Variants in QTGAL observed in about 807,000 individuals in gnomAD.
QTGAL encodes BGnT-like protein 1.
the QTGAL span, among the ~76,000 whole-genome samples, chr17:82,962,135 T>C: frequency 5.3e-4 from 81 of 152,116 alleles, no homozygotes; most frequent in African/African-American, 1.8e-3. Context: ...CAGCCTCTTC[T>C]CTCCTTGGCT....
At chr17:83,005,164 C>A in the QTGAL span, 2 of 1,610,724 alleles carry the variant, frequency 1.2e-6, no homozygotes, top group Non-Finnish European at 8.5e-7. The surrounding 1 kb of genome is among the most constrained non-coding windows in gnomAD (Gnocchi z 5.6). Flanking sequence ...ACGTGTGTAT[C>A]GTTCGGTGGA....
chr17:82,970,713 C>A, the QTGAL span, among the ~76,000 whole-genome samples: 2 of 152,184 alleles, frequency 1.3e-5, no homozygotes, highest in African/African-American at 4.8e-5. Flanking sequence ...TGGCTGTGCC[C>A]TGGTCACGTG....
the QTGAL span, among the ~76,000 whole-genome samples, chr17:82,972,757 G>C: frequency 0.19 from 20,579 of 109,372 alleles, 1,340 homozygotes; most frequent in East Asian, 0.27. Flanking sequence ...GAAGGACCCA[G>C]TACTGACCAC....
chr17:82,987,288 AAAT>A, the QTGAL span, among the ~76,000 whole-genome samples: 2 of 151,896 alleles, frequency 1.3e-5, no homozygotes, highest in East Asian at 3.8e-4. Context: ...AGGAAAAAAT[AAAT>A]AATGATTTGA....
chr17:82,952,696 C>T, the QTGAL span, among the ~76,000 whole-genome samples: 5 of 152,154 alleles, frequency 3.3e-5, no homozygotes, highest in Admixed American at 6.5e-5. Context: ...CTGGACCAAG[C>T]GGACCTAATA....
the QTGAL span, among the ~76,000 whole-genome samples, chr17:82,974,030 G>A: frequency 6.6e-6 from 1 of 152,180 alleles, no homozygotes; most frequent in East Asian, 1.9e-4. Context: ...AGAGGGTGTC[G>A]TGGACCAGCA....
the QTGAL span, among the ~76,000 whole-genome samples, chr17:82,959,739 G>GA: frequency 6.6e-6 from 1 of 151,996 alleles, no homozygotes; most frequent in African/African-American, 2.4e-5. Context: ...GAGGTTTGGG[G>GA]GGCCTCTGAC....
At chr17:82,971,017 G>A in the QTGAL span, among the ~76,000 whole-genome samples, 27 of 152,172 alleles carry the variant, frequency 1.8e-4, no homozygotes, top group Non-Finnish European at 3.5e-4. Flanking sequence ...TCGGCGTCGT[G>A]GGGCGCAGTG....
chr17:82,942,535 A>G, the QTGAL span: 2 of 1,605,500 alleles, frequency 1.2e-6, no homozygotes, highest in Admixed American at 1.7e-5. Context: ...GCCGGTGTGG[A>G]AAGCCTCGCA....
the QTGAL span, among the ~76,000 whole-genome samples, chr17:83,020,330 G>C: frequency 6.6e-6 from 1 of 152,128 alleles, no homozygotes; most frequent in African/African-American, 2.4e-5. Context: ...AAGGATGCCT[G>C]CACACACAAT....
chr17:82,968,656 C>T, the QTGAL span, among the ~76,000 whole-genome samples: 4 of 152,204 alleles, frequency 2.6e-5, no homozygotes, highest in East Asian at 1.9e-4. Context: ...CATCTGTGGA[C>T]GCCTAAGGCT....
the QTGAL span, among the ~76,000 whole-genome samples, chr17:82,999,496 G>A: frequency 2.6e-5 from 4 of 152,128 alleles, no homozygotes; most frequent in African/African-American, 4.8e-5. Context: ...TTAACTCCCC[G>A]AAAATTTAAC....
chr17:82,963,784 A>G, the QTGAL span, among the ~76,000 whole-genome samples: 1 of 152,076 alleles, frequency 6.6e-6, no homozygotes, highest in Admixed American at 6.5e-5. Flanking sequence ...TTTTTGGGGG[A>G]TGACAACTTC....
the QTGAL span, among the ~76,000 whole-genome samples, chr17:83,013,960 G>C: frequency 2.0e-5 from 3 of 152,160 alleles, no homozygotes; most frequent in African/African-American, 4.8e-5. Context: ...ATCTGCGGTG[G>C]GGGATGGAGG....
At chr17:82,974,278 C>T in the QTGAL span, among the ~76,000 whole-genome samples, 42 of 152,290 alleles carry the variant, frequency 2.8e-4, no homozygotes, top group African/African-American at 1.0e-3. Context: ...CCCGGGTGGC[C>T]GGCGCTGACA....
chr17:82,953,223 C>T, the QTGAL span, among the ~76,000 whole-genome samples: 2 of 152,024 alleles, frequency 1.3e-5, no homozygotes, highest in Non-Finnish European at 2.9e-5. Flanking sequence ...ACAAAAATCC[C>T]TTCAAAAAAA....
the QTGAL span, among the ~76,000 whole-genome samples, chr17:82,968,728 G>A: frequency 0.04 from 6,139 of 152,304 alleles, 156 homozygotes; most frequent in African/African-American, 0.064. Context: ...GGCCGGGCGC[G>A]GTGGCTCACG....
At chr17:83,049,116 G>C in the QTGAL span, 1 of 246,858 alleles carries the variant, frequency 4.1e-6, no homozygotes, top group South Asian at 4.4e-5. Context: ...AGCCAGGCGT[G>C]GTGGCAGGCT....
chr17:82,994,756 T>C, the QTGAL span, among the ~76,000 whole-genome samples: 4 of 152,086 alleles, frequency 2.6e-5, no homozygotes, highest in Non-Finnish European at 5.9e-5. Context: ...ATTAAAACTA[T>C]AGGCCAATAT....
Sources: gnomAD v4.1 joint callset for allele counts (sites outside exome capture counted in the v4.1 genomes callset) on GRCh38, gnomAD v4.1.1 for gene constraint, Gnocchi (gnomAD v3.1) non-coding constraint, MANE v1.5 for transcripts, NCBI Gene and HGNC (gene_info 2026-07-23, HGNC 2026-07-21) for gene names.